The following LMX1B variants were observed in gnomAD, a reference collection of about 807,000 sequenced individuals.
LMX1B encodes the protein LIM homeobox transcription factor 1-beta.
In LMX1B, 12 loss-of-function variants were observed where a neutral mutation model predicts 51.4. The ratio of observed to expected loss-of-function variants is 0.23; its 90% CI spans 0.15 to 0.38. The LOEUF (loss-of-function observed/expected upper bound fraction) is 0.38. Among genes scored for constraint, LMX1B ranks in the 10% least tolerant of loss-of-function variants. The pLI is 1.00. For missense variants in LMX1B, 445 were observed against 571.1 expected (o/e 0.78, Z 2.25); for synonymous variants, 237 against 235.4 (o/e 1.01, Z -0.06).
At chr9:126,635,555 G>A (rs938195167) in intron 2 of LMX1B, among the ~76,000 whole-genome samples, 1 of 152,124 alleles carries the variant, frequency 6.6e-6, no homozygotes, top group African/African-American at 2.4e-5. Context: ...GGAGGCTGGC[G>A]GTCTCAACCT....
At chr9:126,670,235 A>G (rs2118942116) in intron 2 of LMX1B, among the ~76,000 whole-genome samples, 1 of 152,280 alleles carries the variant, frequency 6.6e-6, no homozygotes, top group South Asian at 2.1e-4. Context: ...GCTGCCTCCC[A>G]TGGCCAGACA....
At chr9:126,631,259 C>T (rs758054215) in intron 2 of LMX1B, among the ~76,000 whole-genome samples, 1 of 152,168 alleles carries the variant, frequency 6.6e-6, no homozygotes, top group Non-Finnish European at 1.5e-5. Context: ...TCTGCCTGAA[C>T]GTCAAAAGAT....
rs568763153 is a variant in LMX1B, at chr9:126,697,401, G to C, written c.*950G>C. On this transcript the variant is annotated 3_prime_UTR_variant, in exon 8 of 8. Transcript: ENST00000373474. Reference sequence around the variant, plus strand: ...CCTCCAGGGGTCAGGGACTTCAGAAGCACCTGCTGGGCACCCCATCTGCAA... The same window carrying C: ...CCTCCAGGGGTCAGGGACTTCAGAACCACCTGCTGGGCACCCCATCTGCAA... 116 of 152,440 alleles carry C rather than the reference G, an allele frequency of 7.6e-4. No individual in the cohort carries two copies. Among genetic ancestry groups the C allele is most frequent in the Non-Finnish European group, 1.1e-3 (74 of 68,190 alleles). The allele number at this position is 152,440 out of a possible 1,614,324, so 9.4% of individuals were successfully genotyped here. A position where few individuals can be genotyped will look rare whatever the true frequency, so the allele number is the denominator to read the frequency against.
chr9:126,683,797 G>C (rs981153910), intron 2 of LMX1B, among the ~76,000 whole-genome samples: 14 of 152,240 alleles, frequency 9.2e-5, no homozygotes, highest in African/African-American at 2.2e-4. Flanking sequence ...CCAGTTCAGA[G>C]AGCGGAGAGG....
chr9:126,663,982 T>C (rs1836291937), intron 2 of LMX1B, among the ~76,000 whole-genome samples: 1 of 152,230 alleles, frequency 6.6e-6, no homozygotes, highest in South Asian at 2.1e-4. Flanking sequence ...GCCTGGTATT[T>C]TTGGCACATC....
Position 126,671,084 on chromosome 9 carries a change from G to T in LMX1B, c.327-19752G>T, listed in dbSNP as rs1836440375. 6.6e-6 allele frequency among the ~76,000 whole-genome samples: 1 copy of T among 152,122 alleles called. No homozygotes were observed. The highest frequency in any genetic ancestry group is 2.4e-5 in the African/African-American group (1 of 41,420). On this transcript the variant is annotated intron_variant, in intron 2 of 7. Transcript: ENST00000373474. This position sits in a 1 kb window ranked among gnomAD's most constrained non-coding sequence, Gnocchi z 4.4. Reference sequence around the variant, plus strand: ...AGAGAAGGGGGCAAGAGAACTATCAGCTGGGACACCTCCCATACTCTCCAG... The same window carrying T: ...AGAGAAGGGGGCAAGAGAACTATCATCTGGGACACCTCCCATACTCTCCAG...
intron 2 of LMX1B, among the ~76,000 whole-genome samples, chr9:126,681,599 CTGGTTAAAAT>C (rs1344256857): frequency 1.3e-5 from 2 of 152,084 alleles, no homozygotes; most frequent in Non-Finnish European, 2.9e-5. Context: ...CCTAAGGAAC[CTGGTTAAAAT>C]GCCAATCAGA....
intron 2 of LMX1B, among the ~76,000 whole-genome samples, chr9:126,663,439 G>T (rs932659399): frequency 7.1e-6 from 1 of 140,442 alleles, no homozygotes; most frequent in South Asian, 2.3e-4. Flanking sequence ...AAAAAAAAAA[G>T]AAAAAAAAAA....
rs1427583375 is a variant in LMX1B, at chr9:126,615,612, C to A, written c.326+43C>A. 1.9e-6 allele frequency: 3 copies of A among 1,552,252 alleles called. No individual in the cohort carries two copies. Among genetic ancestry groups the A allele is most frequent in the South Asian group, 1.2e-5 (1 of 85,418 alleles). The stretch of plus-strand genomic sequence containing the variant: ...TCCTTCCCCGCCACCGCCCGGCACT[C>A]GAGCCCGGTCAGCCCCCTGCCGGGC... On this transcript the variant is annotated intron_variant, in intron 2 of 7. Transcript: ENST00000373474. The surrounding 1 kb of genome is among the most constrained non-coding windows in gnomAD (Gnocchi z 6.0).
At chr9:126,660,181 C>G (rs1370087258) in intron 2 of LMX1B, among the ~76,000 whole-genome samples, 12 of 103,278 alleles carry the variant, frequency 1.2e-4, no homozygotes, top group African/African-American at 1.4e-4. Flanking sequence ...GTGGGGGTAT[C>G]TACACTGGCT....
Position 126,687,214 on chromosome 9 carries a change from T to C in LMX1B, c.327-3622T>C, listed in dbSNP as rs1471549514. 1.2e-4 allele frequency among the ~76,000 whole-genome samples: 14 copies of C among 118,258 alleles called. 1 individual carries two copies. In the East Asian group the frequency reaches 3.9e-3, roughly 33 times the overall value. 77.6% of individuals were successfully genotyped at this position (118,258 alleles called of 152,430 possible). A position where few individuals can be genotyped will look rare whatever the true frequency, so the allele number is the denominator to read the frequency against. On this transcript the variant is annotated intron_variant, in intron 2 of 7. Transcript: ENST00000373474. ...CAACCCCATGGTCGGGGATGATCATTCCCTTTTTTTTTTTATTTTTTATAT... is the reference window on the plus strand; with the variant it reads ...CAACCCCATGGTCGGGGATGATCATCCCCTTTTTTTTTTTATTTTTTATAT...
At position 126,686,399 on chromosome 9, in the gene LMX1B, CAAAT is replaced by C. The variant is rs1294485565; in HGVS notation, c.327-4433_327-4430del. Among the ~76,000 whole-genome samples, 4 of 151,466 alleles carry C rather than the reference CAAAT, an allele frequency of 2.6e-5. No homozygotes were observed. The East Asian group carries it at 7.7e-4, about 29-fold the overall frequency. On this transcript the variant is annotated intron_variant, in intron 2 of 7. Coordinates refer to ENST00000373474, the MANE Select transcript of LMX1B (RefSeq NM_001174147.2). Reference sequence around the variant, plus strand: ...TGAGTTTAATAAATTGAGCATTAAACAAATAAACCCGTAAAAACTCAGAGGATAT... The same window carrying C: ...TGAGTTTAATAAATTGAGCATTAAACAAACCCGTAAAAACTCAGAGGATAT...
At position 126,695,969 on chromosome 9, in the gene LMX1B, G is replaced by A. The variant is rs549494538; in HGVS notation, c.1017G>A (p.Pro339=). The change falls in exon 7 of 8, where the codon CCG becomes CCA. Residue 339 remains proline, a synonymous_variant. Transcript: ENST00000373474. This position sits in a 1 kb window ranked among gnomAD's most constrained non-coding sequence, Gnocchi z 5.2. ...SSDPFQQGLT[P]PQMPGDHMNP... is the part of the protein sequence containing the mutation. Reference sequence around the variant, plus strand: ...ACCCCTTCCAGCAGGGCCTCACGCCGCCCCAAATGCCAGGTGACCACATGA... The same window carrying A: ...ACCCCTTCCAGCAGGGCCTCACGCCACCCCAAATGCCAGGTGACCACATGA... The A allele has an allele frequency of 2.1e-5, 34 of 1,611,852 alleles. No individual in the cohort carries two copies. Among genetic ancestry groups the A allele is most frequent in the Middle Eastern group, 1.7e-4 (1 of 5,990 alleles).
intron 2 of LMX1B, among the ~76,000 whole-genome samples, chr9:126,684,746 A>ACC (rs150447700): frequency 2.6e-5 from 4 of 151,728 alleles, no homozygotes; most frequent in African/African-American, 9.7e-5. Context: ...CAAACATGGT[A>ACC]CCCCCCGTGG....
At chr9:126,659,622 G>T (rs1249603953) in intron 2 of LMX1B, among the ~76,000 whole-genome samples, 1 of 152,062 alleles carries the variant, frequency 6.6e-6, no homozygotes, top group Non-Finnish European at 1.5e-5. Context: ...CTTAGAGATT[G>T]TCCTGTGTGT....
intron 2 of LMX1B, among the ~76,000 whole-genome samples, chr9:126,681,326 C>T (rs2118966495): frequency 6.6e-6 from 1 of 152,336 alleles, no homozygotes; most frequent in South Asian, 2.1e-4. Flanking sequence ...AGACCTAACA[C>T]ATCCAGGGCT....
At chr9:126,651,919 T>C (rs1836017216) in intron 2 of LMX1B, among the ~76,000 whole-genome samples, 1 of 151,770 alleles carries the variant, frequency 6.6e-6, no homozygotes, top group Non-Finnish European at 1.5e-5. Flanking sequence ...CAATCTAGTT[T>C]GAACAGGGAC....
At chr9:126,674,747 C>T (rs1472219168) in intron 2 of LMX1B, among the ~76,000 whole-genome samples, 3 of 152,206 alleles carry the variant, frequency 2.0e-5, no homozygotes, top group Non-Finnish European at 2.9e-5. Flanking sequence ...GAACTCCCTA[C>T]ATGGCTCTCT....
At chr9:126,689,290 C>T (rs776733235) in intron 2 of LMX1B, among the ~76,000 whole-genome samples, 12 of 152,208 alleles carry the variant, frequency 7.9e-5, no homozygotes, top group Non-Finnish European at 1.3e-4. Context: ...ACCAGCTCGC[C>T]GTGGGCGGTT....
Sources: gnomAD v4.1 joint callset for allele counts (sites outside exome capture counted in the v4.1 genomes callset) on GRCh38, gnomAD v4.1.1 for gene constraint, Gnocchi (gnomAD v3.1) non-coding constraint, MANE v1.5 for transcripts, NCBI Gene and HGNC (gene_info 2026-07-23, HGNC 2026-07-21) for gene names.